The following ARHGAP20 variants were observed in gnomAD, a reference collection of about 807,000 sequenced individuals.
ARHGAP20 encodes rho GTPase-activating protein 20.
Under a neutral mutation model 73.7 loss-of-function variants are expected in ARHGAP20, and 34 were observed. The observed-to-expected ratio is 0.46, with a 90% confidence interval of 0.35 to 0.61. ARHGAP20 has a LOEUF of 0.61. Among genes scored for constraint, ARHGAP20 ranks in the 20% least tolerant of loss-of-function variants. The pLI, the probability that ARHGAP20 is intolerant of heterozygous loss-of-function variation, is 0.00. For synonymous variants in ARHGAP20, 523 were observed against 518.2 expected (o/e 1.01, Z -0.13); for missense variants, 1,314 against 1,420.9 (o/e 0.92, Z 1.21).
At chr11:110,644,453 C>A (rs930212931) in intron 2 of ARHGAP20, among the ~76,000 whole-genome samples, 10 of 152,072 alleles carry the variant, frequency 6.6e-5, no homozygotes, top group African/African-American at 2.4e-4. Context: ...GGTACTAAAA[C>A]AGACACAGAG....
Position 110,645,063 on chromosome 11 carries a change from G to T in ARHGAP20, c.189-14271C>A, listed in dbSNP as rs573911240. Among the ~76,000 whole-genome samples the T allele has an allele frequency of 5.9e-5, 9 of 151,852 alleles. No individual in the cohort carries two copies. In the South Asian group the frequency reaches 1.9e-3, roughly 32 times the overall value. On this transcript the variant is annotated intron_variant, in intron 2 of 14. Transcript: ENST00000683387. ...CTCACTCTATCACCCAGACTGGAGT[G>T]CAGTGGTGCAATCATGGCTCACTGC... is the stretch of plus-strand genomic sequence containing the variant.
intron 1 of ARHGAP20, among the ~76,000 whole-genome samples, chr11:110,699,035 T>C (rs1384313298): frequency 6.6e-6 from 1 of 151,960 alleles, no homozygotes; most frequent in Non-Finnish European, 1.5e-5. Context: ...TTCTATCTTT[T>C]TGGTGTAGAC....
At chr11:110,652,698 CAAG>C (rs1422844517) in intron 2 of ARHGAP20, among the ~76,000 whole-genome samples, 1 of 152,104 alleles carries the variant, frequency 6.6e-6, no homozygotes, top group Non-Finnish European at 1.5e-5. Flanking sequence ...AGTACCTCTT[CAAG>C]AAGAACTACA....
intron 8 of ARHGAP20, among the ~76,000 whole-genome samples, chr11:110,607,965 T>C (rs1411760407): frequency 6.6e-6 from 1 of 152,214 alleles, no homozygotes; most frequent in Non-Finnish European, 1.5e-5. Flanking sequence ...GCTCATTGAC[T>C]ATTACAAAAA....
chr11:110,601,749 C>T (rs1260031738), intron 9 of ARHGAP20, among the ~76,000 whole-genome samples: 3 of 151,930 alleles, frequency 2.0e-5, no homozygotes, highest in African/African-American at 2.4e-5. Context: ...TTTGGGAGGC[C>T]GAGGCGGGTG....
intron 1 of ARHGAP20, among the ~76,000 whole-genome samples, chr11:110,699,303 T>C: frequency 6.6e-6 from 1 of 152,042 alleles, no homozygotes; most frequent in South Asian, 2.1e-4. Flanking sequence ...TGGAATTTAT[T>C]GGGACTTCTT....
At chr11:110,599,033 C>G (rs2134853446) in intron 9 of ARHGAP20, among the ~76,000 whole-genome samples, 1 of 150,680 alleles carries the variant, frequency 6.6e-6, no homozygotes, top group South Asian at 2.1e-4. Context: ...TCCCTGTGCT[C>G]TTGTGTGGGG....
chr11:110,612,338 G>A (rs1948387242), intron 6 of ARHGAP20, among the ~76,000 whole-genome samples: 1 of 151,540 alleles, frequency 6.6e-6, no homozygotes, highest in South Asian at 2.1e-4. Context: ...TGAGGCAGGA[G>A]AATGGCTTGA....
chr11:110,670,626 C>T (rs991354870), intron 2 of ARHGAP20, among the ~76,000 whole-genome samples: 1 of 151,932 alleles, frequency 6.6e-6, no homozygotes, highest in African/African-American at 2.4e-5. Context: ...TAAATTCTAC[C>T]CAACATTTTA....
chr11:110,670,271 A>T (rs530165963), intron 2 of ARHGAP20, among the ~76,000 whole-genome samples: 1 of 152,258 alleles, frequency 6.6e-6, no homozygotes, highest in South Asian at 2.1e-4. Flanking sequence ...AACACAATAT[A>T]GAAAAGCTAC....
At chr11:110,679,284 G>A (rs1429037957) in intron 2 of ARHGAP20, among the ~76,000 whole-genome samples, 3 of 152,142 alleles carry the variant, frequency 2.0e-5, no homozygotes, top group Non-Finnish European at 4.4e-5. Flanking sequence ...TCTCGGAAGT[G>A]GCACATCACT....
chr11:110,598,157 T>G (rs1345949266), intron 9 of ARHGAP20, among the ~76,000 whole-genome samples: 2 of 142,538 alleles, frequency 1.4e-5, no homozygotes, highest in South Asian at 2.2e-4. Flanking sequence ...CTCCCCAAAT[T>G]AAGAATATCC....
chr11:110,667,811 G>C (rs1393923976), intron 2 of ARHGAP20, among the ~76,000 whole-genome samples: 1 of 152,194 alleles, frequency 6.6e-6, no homozygotes, highest in Non-Finnish European at 1.5e-5. Context: ...AGGAGTTCAA[G>C]ACTCCAGTGG....
At chr11:110,658,845 T>C (rs980502266) in intron 2 of ARHGAP20, among the ~76,000 whole-genome samples, 1 of 152,118 alleles carries the variant, frequency 6.6e-6, no homozygotes, top group Admixed American at 6.6e-5. Flanking sequence ...TTAGGAATCC[T>C]AAAAAGGCTT....
intron 3 of ARHGAP20, among the ~76,000 whole-genome samples, chr11:110,626,400 C>G (rs1208740988): frequency 6.6e-6 from 1 of 152,198 alleles, no homozygotes; most frequent in Non-Finnish European, 1.5e-5. Flanking sequence ...ACAATGACTT[C>G]CATTCTCCTA....
intron 12 of ARHGAP20, 121 bp downstream of exon 12, chr11:110,586,095 T>C (rs960256371): frequency 2.1e-6 from 1 of 469,436 alleles, no homozygotes; most frequent in Non-Finnish European, 3.6e-6. Flanking sequence ...CAAACTAGCA[T>C]ACATCTATTT....
rs573635464 is a variant in ARHGAP20 at position 110,707,515 on chromosome 11, G to A, written c.105+4612C>T. 4.8e-4 allele frequency among the ~76,000 whole-genome samples: 73 copies of A among 152,110 alleles called. 1 individual carries two copies. Among genetic ancestry groups the A allele is most frequent in the African/African-American group, 1.8e-3 (73 of 41,528 alleles). ...TCTTCTGAGAGTGGATTTGATTTTTGGAAACAATGAAATCCTCTGACTAGT... is the reference window on the plus strand; with the variant it reads ...TCTTCTGAGAGTGGATTTGATTTTTAGAAACAATGAAATCCTCTGACTAGT... On this transcript the variant is annotated intron_variant, in intron 1 of 14. Coordinates refer to ENST00000683387, the MANE Select transcript of ARHGAP20 (RefSeq NM_001384657.1).
chr11:110,694,374 C>T (rs1439697988), intron 1 of ARHGAP20, among the ~76,000 whole-genome samples: 1 of 151,732 alleles, frequency 6.6e-6, no homozygotes, highest in African/African-American at 2.4e-5. Context: ...TTTGCCATTA[C>T]TTCCAATGGA....
chr11:110,595,672 T>C (rs994021364), intron 9 of ARHGAP20, among the ~76,000 whole-genome samples: 33 of 152,220 alleles, frequency 2.2e-4, no homozygotes, highest in African/African-American at 7.7e-4. Context: ...GAACATTCCA[T>C]GCTCATGGGT....
Sources: allele counts gnomAD v4.1 joint callset (sites outside exome capture counted in the v4.1 genomes callset), GRCh38; gene constraint gnomAD v4.1.1; transcripts MANE v1.5; gene names NCBI Gene and HGNC (gene_info 2026-07-23, HGNC 2026-07-21).